Variants in NRG1 observed in about 807,000 individuals in gnomAD.
NRG1 encodes the protein neuregulin 1.
In NRG1, 18 loss-of-function variants were observed where a neutral mutation model predicts 63.8. The ratio of observed to expected loss-of-function variants is 0.28; its 90% confidence interval spans 0.19 to 0.42. The LOEUF (loss-of-function observed/expected upper bound fraction) is 0.42. Among genes scored for constraint, NRG1 ranks in the 10% least tolerant of loss-of-function variants. The pLI is 1.00. For synonymous variants in NRG1, 302 were observed against 301.3 expected (o/e 1.00, Z -0.02); for missense variants, 762 against 814.7 (o/e 0.94, Z 0.79).
chr8:32,588,968 CG>C (rs1842082661), intron 1 of NRG1, among the ~76,000 whole-genome samples: 2 of 152,114 alleles, frequency 1.3e-5, no homozygotes, highest in Non-Finnish European at 2.9e-5. Flanking sequence ...GAGCACAGGG[CG>C]GGGTGAGCAC....
intron 1 of NRG1, among the ~76,000 whole-genome samples, chr8:32,265,049 G>C (rs1382360598): frequency 2.0e-5 from 3 of 152,068 alleles, no homozygotes; most frequent in Admixed American, 6.6e-5. Flanking sequence ...ATCTAAAATT[G>C]CTATCAGGCC....
intron 1 of NRG1, among the ~76,000 whole-genome samples, chr8:31,743,694 C>G (rs1382059711): frequency 2.0e-5 from 3 of 151,944 alleles, no homozygotes; most frequent in African/African-American, 7.2e-5. Flanking sequence ...TTTAAAGGGT[C>G]TGTGGCTTGA....
At chr8:32,017,381 G>A (rs1343323142) in intron 1 of NRG1, among the ~76,000 whole-genome samples, 2 of 152,146 alleles carry the variant, frequency 1.3e-5, no homozygotes, top group Admixed American at 6.5e-5. Flanking sequence ...GTGACCAAAT[G>A]TGTAGCAGCT....
chr8:32,376,987 T>C (rs2129483105), intron 1 of NRG1, among the ~76,000 whole-genome samples: 1 of 152,358 alleles, frequency 6.6e-6, no homozygotes, highest in South Asian at 2.1e-4. Context: ...TAGCGCATAT[T>C]GACTGATGTA....
At chr8:32,498,185 G>A (rs1827441261) in intron 1 of NRG1, among the ~76,000 whole-genome samples, 1 of 152,170 alleles carries the variant, frequency 6.6e-6, no homozygotes, top group Non-Finnish European at 1.5e-5. Flanking sequence ...AATCAAAGAA[G>A]TGGTTAGACT....
chr8:32,373,079 T>C (rs1809137516), intron 1 of NRG1, among the ~76,000 whole-genome samples: 1 of 151,946 alleles, frequency 6.6e-6, no homozygotes, highest in African/African-American at 2.4e-5. Context: ...TGTGTGTCAG[T>C]GTAGCACAGA....
chr8:32,174,104 A>G (rs1840403969), intron 1 of NRG1, among the ~76,000 whole-genome samples: 1 of 151,644 alleles, frequency 6.6e-6, no homozygotes, highest in South Asian at 2.1e-4. Context: ...AGCACTCCTC[A>G]GCAAATGTAA....
chr8:32,221,164 AT>A (rs1845775659), intron 1 of NRG1: 1 of 152,078 alleles, frequency 6.6e-6, no homozygotes, highest in Admixed American at 6.5e-5. Flanking sequence ...ATATGCATAT[AT>A]ATATATATTT....
chr8:32,382,172 T>A (rs1364362016), intron 1 of NRG1, among the ~76,000 whole-genome samples: 1 of 152,190 alleles, frequency 6.6e-6, no homozygotes, highest in Admixed American at 6.5e-5. Context: ...ATCTTATGCA[T>A]GACAATTGAG....
intron 1 of NRG1, among the ~76,000 whole-genome samples, chr8:31,770,551 G>A (rs1461913849): frequency 6.6e-6 from 1 of 151,478 alleles, no homozygotes; most frequent in African/African-American, 2.4e-5. Flanking sequence ...CTCACTCATA[G>A]GTGGGAATTG....
chr8:32,627,762 A>C (rs1849562347), intron 5 of NRG1, among the ~76,000 whole-genome samples: 1 of 152,168 alleles, frequency 6.6e-6, no homozygotes. Context: ...AAAGTAAATT[A>C]ATCTGTTAAA....
At chr8:31,809,857 G>C (rs1269470885) in intron 1 of NRG1, among the ~76,000 whole-genome samples, 1 of 143,498 alleles carries the variant, frequency 7.0e-6, no homozygotes, top group Non-Finnish European at 1.5e-5. Context: ...TTTTTTTTAG[G>C]GTCAGATCCC....
chr8:31,685,820 A>AGT (rs1036085003), intron 1 of NRG1, among the ~76,000 whole-genome samples: 4 of 152,004 alleles, frequency 2.6e-5, no homozygotes, highest in Non-Finnish European at 5.9e-5. Flanking sequence ...TCCATGTTGT[A>AGT]GTGTGTGTGT....
chr8:32,641,183 G>A (rs1219320947), intron 5 of NRG1, among the ~76,000 whole-genome samples: 1 of 150,298 alleles, frequency 6.7e-6, no homozygotes, highest in Non-Finnish European at 1.5e-5. Flanking sequence ...TTTTATATAT[G>A]TAAATTAATA....
At chr8:32,234,926 T>C (rs528208252) in intron 1 of NRG1, among the ~76,000 whole-genome samples, 1 of 152,238 alleles carries the variant, frequency 6.6e-6, no homozygotes, top group Non-Finnish European at 1.5e-5. Flanking sequence ...ATTCAATGTC[T>C]CATTTTTCTT....
At chr8:32,031,356 G>A (rs1818226645) in intron 1 of NRG1, among the ~76,000 whole-genome samples, 1 of 152,164 alleles carries the variant, frequency 6.6e-6, no homozygotes, top group African/African-American at 2.4e-5. Flanking sequence ...GGATGATGCA[G>A]GCAGCTGCTG....
At chr8:32,586,225 A>C (rs1328967089) in intron 1 of NRG1, among the ~76,000 whole-genome samples, 1 of 146,122 alleles carries the variant, frequency 6.8e-6, no homozygotes, top group African/African-American at 2.5e-5. Context: ...TATATACTAT[A>C]TATAAATATA....
chr8:32,055,613 C>G (rs1213637103), intron 1 of NRG1, among the ~76,000 whole-genome samples: 1 of 150,908 alleles, frequency 6.6e-6, no homozygotes, highest in African/African-American at 2.4e-5. Flanking sequence ...TTTTTTTTCT[C>G]TTCTCTCCCT....
intron 1 of NRG1, among the ~76,000 whole-genome samples, chr8:32,390,555 A>T (rs1811600410): frequency 6.7e-6 from 1 of 148,362 alleles, no homozygotes; most frequent in Non-Finnish European, 1.5e-5. Flanking sequence ...GTGAGCCGTG[A>T]TCATGCCACT....
Sources: allele counts gnomAD v4.1 joint callset (sites outside exome capture counted in the v4.1 genomes callset), GRCh38; gene constraint gnomAD v4.1.1; transcripts MANE v1.5; gene names NCBI Gene and HGNC (gene_info 2026-07-23, HGNC 2026-07-21).